Variants in IL1RAPL1 observed in about 807,000 individuals in gnomAD.
IL1RAPL1 encodes the protein interleukin 1 receptor accessory protein like 1.
A neutral mutation model predicts 48.4 loss-of-function variants in IL1RAPL1; 3 were observed. The observed-to-expected ratio is 0.06, with a 90% CI of 0.03 to 0.16. The LOEUF (loss-of-function observed/expected upper bound fraction) is 0.16, where lower values mean the gene tolerates loss of function less well. Among genes scored for constraint, IL1RAPL1 ranks in the 10% least tolerant of loss-of-function variants. The probability of loss-of-function intolerance (pLI) is 1.00; values close to 1 mark genes in which losing one functional copy is unlikely to be tolerated. For synonymous variants in IL1RAPL1, 185 were observed against 187.7 expected (o/e 0.99, Z 0.12); for missense variants, 349 against 530.6 (o/e 0.66, Z 3.36).
intron 5 of IL1RAPL1, among the ~76,000 whole-genome samples, chrX:29,481,832 G>A (rs958626975): frequency 1.3e-4 from 14 of 111,668 alleles, no homozygotes; most frequent in Non-Finnish European, 1.9e-4. Flanking sequence ...CTAACTATAG[G>A]TTGGTGCAAA....
intron 5 of IL1RAPL1, among the ~76,000 whole-genome samples, chrX:29,413,353 ATCT>A (rs1934169810): frequency 9.0e-6 from 1 of 111,499 alleles, no homozygotes; most frequent in Admixed American, 9.6e-5. Flanking sequence ...AATATTTATA[ATCT>A]TTTTTTTATT....
chrX:29,638,417 G>C (rs1179133047), intron 5 of IL1RAPL1, among the ~76,000 whole-genome samples: 2 of 110,571 alleles, frequency 1.8e-5, no homozygotes, highest in Non-Finnish European at 3.8e-5. Flanking sequence ...ACACCTTCTG[G>C]GTCCATAGTA....
intron 3 of IL1RAPL1, among the ~76,000 whole-genome samples, chrX:29,380,942 A>C (rs916298767): frequency 8.9e-6 from 1 of 112,322 alleles, no homozygotes; most frequent in African/African-American, 3.2e-5. Context: ...TGCTCAAGCC[A>C]GTTAAGTATT....
chrX:29,910,485 A>AAATATTTGG (rs1288355806), intron 6 of IL1RAPL1, among the ~76,000 whole-genome samples: 5 of 111,938 alleles, frequency 4.5e-5, no homozygotes, highest in African/African-American at 1.6e-4. Flanking sequence ...GTTTACTTTT[A>AAATATTTGG]AATATTTGGA....
intron 2 of IL1RAPL1, among the ~76,000 whole-genome samples, chrX:29,218,051 G>C (rs1241145145): frequency 9.0e-6 from 1 of 111,403 alleles, no homozygotes; most frequent in East Asian, 2.8e-4. Context: ...TGTTATGTTT[G>C]CTGTTTTTTG....
chrX:29,695,597 C>CGA (rs10635140), intron 6 of IL1RAPL1, among the ~76,000 whole-genome samples: 26,920 of 94,399 alleles, frequency 0.29, 3,174 homozygotes, highest in South Asian at 0.42. Flanking sequence ...TGCAAGGTGG[C>CGA]GAGAGAGAGA....
At chrX:29,384,532 A>G (rs1371016932) in intron 3 of IL1RAPL1, among the ~76,000 whole-genome samples, 1 of 112,513 alleles carries the variant, frequency 8.9e-6, no homozygotes, top group Non-Finnish European at 1.9e-5. Flanking sequence ...GGATAACTAT[A>G]AATATAAAAC....
At chrX:29,414,427 T>A (rs758536513) in intron 5 of IL1RAPL1, among the ~76,000 whole-genome samples, 9 of 112,062 alleles carry the variant, frequency 8.0e-5, no homozygotes, top group East Asian at 5.6e-4. Context: ...AGCATATTTT[T>A]AAAATTATTT....
chrX:29,076,466 C>T (rs1927671946), intron 2 of IL1RAPL1, among the ~76,000 whole-genome samples: 1 of 111,901 alleles, frequency 8.9e-6, no homozygotes, highest in East Asian at 2.8e-4. Context: ...ATTTTCATAA[C>T]ATATGCCAGG....
intron 2 of IL1RAPL1, among the ~76,000 whole-genome samples, chrX:28,909,613 T>C (rs1923307602): frequency 8.9e-6 from 1 of 111,847 alleles, no homozygotes; most frequent in African/African-American, 3.2e-5. Context: ...TGAAGAACTT[T>C]CTCAATAATG....
intron 2 of IL1RAPL1, among the ~76,000 whole-genome samples, chrX:28,830,171 A>C (rs1921010946): frequency 9.0e-6 from 1 of 111,687 alleles, no homozygotes. Context: ...TAGGAAGTTT[A>C]TCATCATCTT....
At chrX:29,076,802 G>GTCTGTCTGTCTATCTA (rs568595100) in intron 2 of IL1RAPL1, among the ~76,000 whole-genome samples, 131 of 97,263 alleles carry the variant, frequency 1.3e-3, no homozygotes, top group Middle Eastern at 0.01. Flanking sequence ...CTGTCTGTCT[G>GTCTGTCTGTCTATCTA]TCTATCTATC....
intron 5 of IL1RAPL1, among the ~76,000 whole-genome samples, chrX:29,665,856 G>A (rs1180991295): frequency 8.9e-6 from 1 of 112,103 alleles, no homozygotes; most frequent in African/African-American, 3.2e-5. Flanking sequence ...TGATTATTTA[G>A]TTGCATGTTT....
chrX:29,049,004 TA>T (rs1602029489), intron 2 of IL1RAPL1, among the ~76,000 whole-genome samples: 1 of 112,604 alleles, frequency 8.9e-6, no homozygotes, highest in African/African-American at 3.2e-5. Flanking sequence ...AATGCTCTAT[TA>T]CTTTCAACAT....
intron 1 of IL1RAPL1, among the ~76,000 whole-genome samples, chrX:28,749,824 G>A (rs1162277631): frequency 1.8e-5 from 2 of 108,936 alleles, no homozygotes; most frequent in Non-Finnish European, 3.8e-5. Flanking sequence ...AATTTGCTCA[G>A]CCCAATGTTG....
intron 1 of IL1RAPL1, among the ~76,000 whole-genome samples, chrX:28,766,868 G>T (rs1012686459): frequency 9.0e-6 from 1 of 110,607 alleles, no homozygotes; most frequent in Non-Finnish European, 1.9e-5. Context: ...CAAATGACAA[G>T]ATCTCTTTTT....
At chrX:29,342,112 TTGTGTGTGTGTGTGTGTG>T (rs753779178) in intron 3 of IL1RAPL1, among the ~76,000 whole-genome samples, 2 of 87,669 alleles carry the variant, frequency 2.3e-5, no homozygotes, top group East Asian at 3.6e-4. Flanking sequence ...CGGCCTTGTT[TTGTGTGTGTGTGTGTGTG>T]TGTGTGTGTG....
At chrX:29,043,969 A>C (rs1270851903) in intron 2 of IL1RAPL1, among the ~76,000 whole-genome samples, 4 of 111,761 alleles carry the variant, frequency 3.6e-5, no homozygotes, top group African/African-American at 1.3e-4. Flanking sequence ...TGGAGCTTGG[A>C]ATATGTCTGC....
At chrX:29,704,651 A>G (rs1927144695) in intron 6 of IL1RAPL1, among the ~76,000 whole-genome samples, 1 of 111,580 alleles carries the variant, frequency 9.0e-6, no homozygotes, top group Non-Finnish European at 1.9e-5. Flanking sequence ...CCTGGGTGAC[A>G]GAGTGAGACT....
Sources: gnomAD v4.1 joint callset for allele counts (sites outside exome capture counted in the v4.1 genomes callset) on GRCh38, gnomAD v4.1.1 for gene constraint, MANE v1.5 for transcripts, NCBI Gene and HGNC (gene_info 2026-07-23, HGNC 2026-07-21) for gene names.